Variants in RPS6KB1 observed in about 807,000 individuals in gnomAD.
The protein encoded by RPS6KB1 is ribosomal protein S6 kinase beta-1.
RPS6KB1 carries 12 observed loss-of-function variants against 70.2 expected under a neutral mutation model. The observed-to-expected ratio is 0.17, with a 90% CI of 0.11 to 0.28. The LOEUF (loss-of-function observed/expected upper bound fraction) is 0.28, where lower values mean the gene tolerates loss of function less well. Ranked by LOEUF, RPS6KB1 falls within the 10% of genes least tolerant of loss-of-function variation. The pLI is 1.00. For synonymous variants in RPS6KB1, 175 were observed against 211.2 expected (o/e 0.83, Z 1.49); for missense variants, 270 against 646.6 (o/e 0.42, Z 6.32).
At chr17:59,931,468 A>G in intron 6 of RPS6KB1, 154 bp from the exon 7 acceptor site, 1 of 618,664 alleles carries the variant, frequency 1.6e-6, no homozygotes, top group Non-Finnish European at 2.9e-6. Context: ...TTTTGGCAGC[A>G]TCCTATGCCA....
At chr17:59,928,017 G>A (rs2043716070) in intron 5 of RPS6KB1, among the ~76,000 whole-genome samples, 1 of 151,632 alleles carries the variant, frequency 6.6e-6, no homozygotes, top group African/African-American at 2.4e-5. Context: ...AATTAGCTGG[G>A]TATGGTGGTG....
chr17:59,903,367 C>T (rs987895185), intron 1 of RPS6KB1, among the ~76,000 whole-genome samples: 2 of 150,334 alleles, frequency 1.3e-5, no homozygotes, highest in African/African-American at 4.9e-5. Flanking sequence ...CCCAGCTGTT[C>T]GGGAGGCTGA....
chr17:59,902,012 T>TAA (rs759292909), intron 1 of RPS6KB1, among the ~76,000 whole-genome samples: 22 of 52,904 alleles, frequency 4.2e-4, no homozygotes, highest in African/African-American at 7.5e-4. Flanking sequence ...AACCTGTCTC[T>TAA]AAAAAAAAAA....
At chr17:59,894,430 A>G (rs1450219445) in intron 1 of RPS6KB1, among the ~76,000 whole-genome samples, 1 of 152,190 alleles carries the variant, frequency 6.6e-6, no homozygotes, top group East Asian at 1.9e-4. Context: ...ACATGGGTTA[A>G]TGACGTCAGA....
chr17:59,947,307 T>G lies in RPS6KB1; in HGVS notation c.*519T>G. ...AAACAACCTGAATCTTTTTTTTATA[T>G]AAATATATATTTTTCAAATAGATTT... On this transcript the variant is annotated 3_prime_UTR_variant, in exon 15 of 15. Coordinates refer to ENST00000225577, the MANE Select transcript of RPS6KB1 (RefSeq NM_003161.4). The G allele has an allele frequency of 2.0e-6, 2 of 1,001,680 alleles. No homozygotes were observed. Among genetic ancestry groups the G allele is most frequent in the Non-Finnish European group, 2.4e-6 (2 of 821,928 alleles). 62.0% of individuals were successfully genotyped at this position (1,001,680 alleles called of 1,614,324 possible). A position where few individuals can be genotyped will look rare whatever the true frequency, so the allele number is the denominator to read the frequency against.
intron 4 of RPS6KB1, among the ~76,000 whole-genome samples, chr17:59,917,874 G>C: frequency 6.6e-6 from 1 of 152,216 alleles, no homozygotes; most frequent in Middle Eastern, 3.4e-3. Context: ...CTCCTGGACC[G>C]ATCATCTAAT....
At position 59,928,533 on chromosome 17, in the gene RPS6KB1, A is replaced by G. The variant is rs188891398; in HGVS notation, c.530-1584A>G. On this transcript the variant is annotated intron_variant, in intron 5 of 14. Coordinates refer to ENST00000225577, the MANE Select transcript of RPS6KB1 (RefSeq NM_003161.4). ...CCCAGCTAATTTTTGTATTTTTAGT[A>G]GAAATGGGGTTTCACCATGTTGGCC... 5.8e-4 allele frequency among the ~76,000 whole-genome samples: 88 copies of G among 152,104 alleles called. 3 individuals carry two copies. The highest frequency in any genetic ancestry group is 5.4e-3 in the Admixed American group (82 of 15,258).
At chr17:59,897,696 G>T (rs1490714338) in intron 1 of RPS6KB1, among the ~76,000 whole-genome samples, 2 of 152,184 alleles carry the variant, frequency 1.3e-5, no homozygotes, top group South Asian at 2.1e-4. Context: ...GCCGGGCACA[G>T]TGGCTCATGC....
chr17:59,912,203 C>A, intron 2 of RPS6KB1: 2 of 199,676 alleles, frequency 1.0e-5, no homozygotes, highest in South Asian at 1.7e-4. Context: ...CAAGATGGGT[C>A]ACCAGCAGCT....
rs2045070484 is a variant in RPS6KB1 at position 59,948,902 on chromosome 17, G to C, written c.*2114G>C. On this transcript the variant is annotated 3_prime_UTR_variant, in exon 15 of 15. Transcript: ENST00000225577. ...ATGGCTTGTGATACTCTTGATACTT[G>C]TTTTCAAATATGTTTACTAACTGTA... 2 of 152,572 alleles carry C rather than the reference G, an allele frequency of 1.3e-5. No homozygotes were observed. Among genetic ancestry groups the C allele is most frequent in the South Asian group, 2.1e-4 (1 of 4,820 alleles). 9.5% of individuals were successfully genotyped at this position (152,572 alleles called of 1,614,324 possible).
chr17:59,934,085 A>T lies in RPS6KB1; in HGVS notation c.689-85A>T. 2 of 896,986 alleles carry T rather than the reference A, an allele frequency of 2.2e-6. No homozygotes were observed. The highest frequency in any genetic ancestry group is 3.7e-6 in the Non-Finnish European group (2 of 547,828). The allele number at this position is 896,986 out of a possible 1,614,324, so 55.6% of individuals were successfully genotyped here. ...GAGGCAAGAAAAGTTAAATGGAAGG[A>T]TAGATTAAAGTATTATGTGACATGT... On this transcript the variant is annotated intron_variant, in intron 7 of 14. Transcript: ENST00000225577. The surrounding 1 kb of genome is among the most constrained non-coding windows in gnomAD (Gnocchi z 4.8).
intron 1 of RPS6KB1, among the ~76,000 whole-genome samples, chr17:59,907,907 A>G (rs1019345402): frequency 3.3e-5 from 5 of 152,118 alleles, no homozygotes; most frequent in Non-Finnish European, 7.3e-5. Context: ...GTTCATTGCT[A>G]GTATATAGAA....
rs759914423 is a variant in RPS6KB1 at position 59,900,171 on chromosome 17, AACACACACACACACACACACACACAC to A, written c.141+6881_141+6906del. 7.5e-3 allele frequency among the ~76,000 whole-genome samples: 765 copies of A among 102,494 alleles called. 13 individuals are homozygous for A. Among genetic ancestry groups the A allele is most frequent in the Middle Eastern group, 0.054 (12 of 222 alleles). 67.2% of individuals were successfully genotyped at this position (102,494 alleles called of 152,430 possible). On this transcript the variant is annotated intron_variant, in intron 1 of 14. Transcript: ENST00000225577. The stretch of plus-strand genomic sequence containing the variant: ...CTGGGTGACAGAAACCTAATTGCTA[AACACACACACACACACACACACACAC>A]ACACACACACACACACACACACACA...
Position 59,946,917 on chromosome 17 carries a change from C to A in RPS6KB1, c.*129C>A. 1 of 1,499,462 alleles carries A rather than the reference C, an allele frequency of 6.7e-7. No individual in the cohort carries two copies. The highest frequency in any genetic ancestry group is 8.9e-7 in the Non-Finnish European group (1 of 1,126,536). The allele number at this position is 1,499,462 out of a possible 1,614,324, so 92.9% of individuals were successfully genotyped here. On this transcript the variant is annotated 3_prime_UTR_variant, in exon 15 of 15. Transcript: ENST00000225577. The surrounding 1 kb of genome is among the most constrained non-coding windows in gnomAD (Gnocchi z 4.2). ...ATGTCATTACATAGAACACTTCAGA[C>A]ACAGGAAAAATAAACGTGGATTTTA...
chr17:59,936,651 G>GTTAATGTGT, intron 12 of RPS6KB1, 110 bp downstream of exon 12: 1 of 850,326 alleles, frequency 1.2e-6, no homozygotes, highest in South Asian at 1.4e-5. Context: ...TTCAAGACCA[G>GTTAATGTGT]CATGGGCAAC....
At position 59,945,171 on chromosome 17, in the gene RPS6KB1, T is replaced by C. The variant is rs532141035; in HGVS notation, c.1228-235T>C. The stretch of plus-strand genomic sequence containing the variant: ...TTCTATTCCTGTCAGTAGGGTAGAA[T>C]TTTGTTTGCTAGCATATCAGGCTCA... On this transcript the variant is annotated intron_variant, in intron 13 of 14. Transcript: ENST00000225577. 1.7e-5 allele frequency: 6 copies of C among 344,204 alleles called. No homozygotes were observed. In the East Asian group the frequency reaches 2.9e-4, roughly 16 times the overall value. 21.3% of individuals were successfully genotyped at this position (344,204 alleles called of 1,614,324 possible).
At chr17:59,919,319 G>A (rs1337262267) in intron 4 of RPS6KB1, among the ~76,000 whole-genome samples, 1 of 152,168 alleles carries the variant, frequency 6.6e-6, no homozygotes, top group African/African-American at 2.4e-5. Context: ...GAGGTCAGGA[G>A]TTCAAAACCA....
At chr17:59,901,528 G>A (rs889674896) in intron 1 of RPS6KB1, among the ~76,000 whole-genome samples, 3 of 147,622 alleles carry the variant, frequency 2.0e-5, no homozygotes, top group African/African-American at 7.5e-5. Flanking sequence ...GGTGGCTTAC[G>A]CCTGTAATCC....
At chr17:59,898,008 A>G (rs1399957092) in intron 1 of RPS6KB1, among the ~76,000 whole-genome samples, 2 of 151,894 alleles carry the variant, frequency 1.3e-5, no homozygotes, top group African/African-American at 4.8e-5. Context: ...TCAGAGGAAT[A>G]TAATCAAAGC....
Sources: allele counts gnomAD v4.1 joint callset (sites outside exome capture counted in the v4.1 genomes callset), GRCh38; gene constraint gnomAD v4.1.1; non-coding constraint Gnocchi (gnomAD v3.1); transcripts MANE v1.5; gene names NCBI Gene and HGNC (gene_info 2026-07-23, HGNC 2026-07-21).